The following PCDH11X variants were observed in gnomAD, a reference collection of about 807,000 sequenced individuals.
PCDH11X encodes the protein protocadherin 11 X-linked, also known as protocadherin-11 X-linked.
A neutral mutation model predicts 53.3 loss-of-function variants in PCDH11X; 18 were observed. The observed-to-expected ratio is 0.34, with a 90% CI of 0.23 to 0.50. PCDH11X has a LOEUF of 0.50. Ranked by LOEUF, PCDH11X falls within the 20% of genes least tolerant of loss-of-function variation. The pLI is 0.98. For missense variants in PCDH11X, 570 were observed against 1,032.4 expected (o/e 0.55, Z 6.14); for synonymous variants, 279 against 393.3 (o/e 0.71, Z 3.44).
intron 6 of PCDH11X, chrX:91,882,785 T>A (rs1346417689): frequency 1.7e-5 from 18 of 1,039,330 alleles, no homozygotes; most frequent in Non-Finnish European, 2.3e-5. Context: ...TAAAATTCAG[T>A]AACTTTGACT....
At chrX:92,238,301 T>C (rs186684140) in intron 7 of PCDH11X, among the ~76,000 whole-genome samples, 1 of 111,916 alleles carries the variant, frequency 8.9e-6, no homozygotes, top group Admixed American at 9.6e-5. Flanking sequence ...GTGAATAGTT[T>C]ACATAGACAT....
At chrX:92,011,561 A>G (rs372820795) in intron 6 of PCDH11X, among the ~76,000 whole-genome samples, 26 of 112,126 alleles carry the variant, frequency 2.3e-4, no homozygotes, top group East Asian at 1.7e-3. Flanking sequence ...GCTTATTTCA[A>G]GTGGTGAATA....
At chrX:92,258,886 G>T (rs1437076682) in intron 7 of PCDH11X, among the ~76,000 whole-genome samples, 1 of 111,878 alleles carries the variant, frequency 8.9e-6, no homozygotes, top group Non-Finnish European at 1.9e-5. Flanking sequence ...TTGCTGCTTA[G>T]AAATCTCTTT....
At chrX:91,841,623 A>G (rs1385003966) in intron 5 of PCDH11X, among the ~76,000 whole-genome samples, 1 of 111,475 alleles carries the variant, frequency 9.0e-6, no homozygotes, top group African/African-American at 3.2e-5. Context: ...TATTTTTATA[A>G]GACAAAATTA....
At position 91,822,980 on chromosome X, in the gene PCDH11X, G is replaced by A. The variant is rs1385704246; in HGVS notation, c.-45+11685G>A. 2.8e-3 allele frequency among the ~76,000 whole-genome samples: 309 copies of A among 109,552 alleles called. 3 individuals are homozygous for A. Among genetic ancestry groups the A allele is most frequent in the African/African-American group, 9.8e-3 (294 of 29,893 alleles). On this transcript the variant is annotated intron_variant, in intron 4 of 10. Transcript: ENST00000682573. ...TTGTTCAGTTTCCATGTAGTTGAGC[G>A]GTTTTGAGTGAGTTTCTTAATCCTG...
At chrX:92,400,003 G>T (rs1414540107) in intron 9 of PCDH11X, among the ~76,000 whole-genome samples, 1 of 105,679 alleles carries the variant, frequency 9.5e-6, no homozygotes, top group Non-Finnish European at 1.9e-5. Context: ...CGCCCGCCTC[G>T]GCCTCCCAAA....
At chrX:92,527,772 G>C (rs2074482274) in intron 10 of PCDH11X, among the ~76,000 whole-genome samples, 1 of 111,929 alleles carries the variant, frequency 8.9e-6, no homozygotes. Context: ...TTCTTGGGAA[G>C]AACATTTACT....
At chrX:92,024,134 T>G (rs1440141776) in intron 6 of PCDH11X, among the ~76,000 whole-genome samples, 1 of 110,261 alleles carries the variant, frequency 9.1e-6, no homozygotes, top group Non-Finnish European at 1.9e-5. Flanking sequence ...TCACCACTCC[T>G]ATTCAACATG....
At chrX:91,863,856 C>T (rs1938822377) in intron 5 of PCDH11X, among the ~76,000 whole-genome samples, 1 of 111,711 alleles carries the variant, frequency 9.0e-6, no homozygotes, top group East Asian at 2.8e-4. Context: ...ACATTGTTTG[C>T]ATAAACTGAC....
At chrX:92,006,049 C>T (rs1171126715) in intron 6 of PCDH11X, among the ~76,000 whole-genome samples, 1 of 111,227 alleles carries the variant, frequency 9.0e-6, no homozygotes, top group African/African-American at 3.3e-5. Flanking sequence ...AACTGTTAAC[C>T]TTTGAGAGTA....
intron 10 of PCDH11X, among the ~76,000 whole-genome samples, chrX:92,568,756 T>A (rs1209087966): frequency 2.9e-5 from 3 of 104,672 alleles, no homozygotes; most frequent in Non-Finnish European, 4.0e-5. Context: ...GCAAAAAAAA[T>A]TATAATAAAA....
rs182234839 is a variant in PCDH11X, at chrX:92,460,609, G to A, written c.3344-7690G>A. 6.7e-4 allele frequency: 543 copies of A among 811,833 alleles called. 2 individuals are homozygous for A. The African/African-American group carries it at 9.9e-3, about 15-fold the overall frequency. 66.9% of individuals were successfully genotyped at this position (811,833 alleles called of 1,213,427 possible). A position where few individuals can be genotyped will look rare whatever the true frequency, so the allele number is the denominator to read the frequency against. On this transcript the variant is annotated intron_variant, in intron 9 of 10. Transcript: ENST00000682573. The stretch of plus-strand genomic sequence containing the variant: ...ACCTGGACTCCATGAGAAATCTGAA[G>A]GCCAGCTTGGAGAACAACCCGAGGG...
At chrX:92,020,300 G>A (rs1378455702) in intron 6 of PCDH11X, among the ~76,000 whole-genome samples, 1 of 112,180 alleles carries the variant, frequency 8.9e-6, no homozygotes, top group Non-Finnish European at 1.9e-5. Context: ...AAGCTCCCAG[G>A]GCAAGGGAAG....
intron 6 of PCDH11X, among the ~76,000 whole-genome samples, chrX:92,156,679 T>C (rs1187062004): frequency 8.9e-6 from 1 of 112,301 alleles, no homozygotes; most frequent in Admixed American, 9.4e-5. Flanking sequence ...ATGTAACTTA[T>C]ACCCCGTTCT....
intron 6 of PCDH11X, among the ~76,000 whole-genome samples, chrX:92,170,290 TA>T (rs776321226): frequency 4.5e-5 from 5 of 110,423 alleles, no homozygotes; most frequent in Non-Finnish European, 9.5e-5. Context: ...ATGAATGTTT[TA>T]GGATTCATCT....
intron 10 of PCDH11X, among the ~76,000 whole-genome samples, chrX:92,576,627 A>G (rs1315059956): frequency 3.6e-5 from 4 of 109,635 alleles, no homozygotes; most frequent in Admixed American, 2.0e-4. Context: ...CCTATAAGTG[A>G]TTATTTCAAG....
intron 8 of PCDH11X, among the ~76,000 whole-genome samples, chrX:92,278,401 T>C (rs2068159611): frequency 8.9e-6 from 1 of 111,914 alleles, no homozygotes; most frequent in African/African-American, 3.3e-5. Flanking sequence ...AAACAGGCTT[T>C]GTGTGAGCAA....
chrX:92,037,227 C>A (rs34193834), intron 6 of PCDH11X, among the ~76,000 whole-genome samples: 1 of 108,910 alleles, frequency 9.2e-6, no homozygotes, highest in Admixed American at 9.9e-5. Flanking sequence ...ACCTCCCAAC[C>A]GGCCCCAGTG....
intron 5 of PCDH11X, among the ~76,000 whole-genome samples, chrX:91,873,358 A>G (rs1281003456): frequency 9.1e-6 from 1 of 109,410 alleles, no homozygotes; most frequent in African/African-American, 3.3e-5. Flanking sequence ...AAATTAATCT[A>G]ATTCATTTAA....
Sources: gnomAD v4.1 joint callset for allele counts (sites outside exome capture counted in the v4.1 genomes callset) on GRCh38, gnomAD v4.1.1 for gene constraint, MANE v1.5 for transcripts, NCBI Gene and HGNC (gene_info 2026-07-23, HGNC 2026-07-21) for gene names.